NCAM2: variants seen among roughly 807,000 people sequenced by gnomAD.
NCAM2 encodes the protein neural cell adhesion molecule 2.
In NCAM2, 30 loss-of-function variants were observed where a neutral mutation model predicts 98.1. The ratio of observed to expected loss-of-function variants is 0.31; its 90% confidence interval spans 0.23 to 0.41. The LOEUF (loss-of-function observed/expected upper bound fraction) is 0.41. Ranked by LOEUF, NCAM2 falls within the 10% of genes least tolerant of loss-of-function variation. The pLI is 1.00. For missense variants in NCAM2, 867 were observed against 1,005.8 expected (o/e 0.86, Z 1.87); for synonymous variants, 368 against 342.4 (o/e 1.07, Z -0.83).
At chr21:21,161,065 G>A (rs551602971) in intron 1 of NCAM2, among the ~76,000 whole-genome samples, 1 of 152,074 alleles carries the variant, frequency 6.6e-6, no homozygotes, top group African/African-American at 2.4e-5. Context: ...TAGGTTTCCT[G>A]TTGCTATCTA....
intron 1 of NCAM2, among the ~76,000 whole-genome samples, chr21:21,060,703 GAC>G (rs1601240599): frequency 1.3e-5 from 2 of 152,074 alleles, no homozygotes; most frequent in Admixed American, 6.6e-5. Flanking sequence ...GAGTAGCATA[GAC>G]ACACACAGAC....
At chr21:21,026,621 G>A (rs138914219) in intron 1 of NCAM2, among the ~76,000 whole-genome samples, 2,405 of 132,224 alleles carry the variant, frequency 0.018, 34 homozygotes, top group Middle Eastern at 0.037. Flanking sequence ...GTGAAACTCC[G>A]TCTCAAAAAA....
chr21:21,380,244 T>A (rs1203878569), intron 9 of NCAM2, among the ~76,000 whole-genome samples: 1 of 152,216 alleles, frequency 6.6e-6, no homozygotes, highest in South Asian at 2.1e-4. Flanking sequence ...CCTTACTGAA[T>A]TTTTATTATA....
intron 11 of NCAM2, among the ~76,000 whole-genome samples, chr21:21,428,344 G>T (rs2077259519): frequency 1.3e-5 from 2 of 152,294 alleles, no homozygotes; most frequent in South Asian, 4.1e-4. Flanking sequence ...AAGTCTTTTA[G>T]AGTAGACCAG....
intron 11 of NCAM2, among the ~76,000 whole-genome samples, chr21:21,423,516 G>A (rs1042506820): frequency 1.3e-5 from 2 of 152,124 alleles, no homozygotes; most frequent in African/African-American, 4.8e-5. Context: ...AGTAAAATGA[G>A]ATAATGACCT....
At chr21:21,080,944 T>G (rs2065784934) in intron 1 of NCAM2, among the ~76,000 whole-genome samples, 1 of 152,012 alleles carries the variant, frequency 6.6e-6, no homozygotes, top group African/African-American at 2.4e-5. Flanking sequence ...AGGAATGAAA[T>G]GAAGTAAATT....
intron 12 of NCAM2, among the ~76,000 whole-genome samples, chr21:21,460,932 TA>T (rs11308060): frequency 0.49 from 72,062 of 148,406 alleles, 18,086 homozygotes; most frequent in East Asian, 0.96. Flanking sequence ...TTCACCTGGC[TA>T]AAAAAAAAAA....
At chr21:21,369,128 TC>T (rs34131011) in intron 8 of NCAM2, among the ~76,000 whole-genome samples, 151,830 of 151,830 alleles carry the variant, frequency 1, 75,915 homozygotes, top group Non-Finnish European at 1. Flanking sequence ...CACCTCCCAT[TC>T]CCCTTGCCTG....
At chr21:21,219,283 C>T (rs1311624629) in intron 1 of NCAM2, among the ~76,000 whole-genome samples, 1 of 152,108 alleles carries the variant, frequency 6.6e-6, no homozygotes, top group East Asian at 1.9e-4. Context: ...GACTTGAAAG[C>T]CACCAAGATT....
intron 1 of NCAM2, among the ~76,000 whole-genome samples, chr21:21,194,621 G>T (rs1601614226): frequency 6.6e-6 from 1 of 152,046 alleles, no homozygotes; most frequent in African/African-American, 2.4e-5. Context: ...AAAATTGGCA[G>T]CTATGGTATT....
intron 1 of NCAM2, among the ~76,000 whole-genome samples, chr21:21,246,302 C>T (rs1229310597): frequency 6.6e-6 from 1 of 151,946 alleles, no homozygotes; most frequent in Non-Finnish European, 1.5e-5. Flanking sequence ...AACCACTCAG[C>T]TAAGCCACTC....
intron 1 of NCAM2, among the ~76,000 whole-genome samples, chr21:21,201,111 T>A (rs965865909): frequency 1.3e-5 from 2 of 152,224 alleles, no homozygotes; most frequent in African/African-American, 4.8e-5. Context: ...TGCGGATTAC[T>A]AAGCACATCT....
chr21:21,198,868 C>T (rs1179019218), intron 1 of NCAM2, among the ~76,000 whole-genome samples: 1 of 151,980 alleles, frequency 6.6e-6, no homozygotes, highest in Non-Finnish European at 1.5e-5. Flanking sequence ...GAGTTTTTAC[C>T]AGTGTCTCAG....
At chr21:21,120,349 T>A (rs76708991) in intron 1 of NCAM2, among the ~76,000 whole-genome samples, 2,174 of 151,436 alleles carry the variant, frequency 0.014, 58 homozygotes, top group African/African-American at 0.051. Context: ...TATCATGACT[T>A]AAAAAACAAA....
intron 9 of NCAM2, among the ~76,000 whole-genome samples, chr21:21,395,993 AAAAC>A (rs2076497178): frequency 6.6e-6 from 1 of 152,200 alleles, no homozygotes; most frequent in Non-Finnish European, 1.5e-5. Flanking sequence ...AAATGCAACA[AAAAC>A]AAAGATAAAT....
rs61690284 is a variant in NCAM2 at position 21,290,777 on chromosome 21, T to C, written c.482-1327T>C. Among the ~76,000 whole-genome samples, 1,062 of 151,904 alleles carry C rather than the reference T, an allele frequency of 7.0e-3. 9 individuals are homozygous for C. Among genetic ancestry groups the C allele is most frequent in the African/African-American group, 0.025 (1,017 of 41,464 alleles). ...TCTATGCCCTGATGACTCTTCTATT[T>C]GTTATTTCTAGCCCCGACTTCTCCC... On this transcript the variant is annotated intron_variant, in intron 4 of 17. Transcript: ENST00000400546.
At chr21:21,327,708 T>C (rs903455242) in intron 6 of NCAM2, among the ~76,000 whole-genome samples, 1 of 152,138 alleles carries the variant, frequency 6.6e-6, no homozygotes, top group Non-Finnish European at 1.5e-5. Context: ...ACTCTTATAC[T>C]CTCATTTAAA....
At chr21:20,999,733 A>C (rs990795033) in intron 1 of NCAM2, among the ~76,000 whole-genome samples, 1 of 152,222 alleles carries the variant, frequency 6.6e-6, no homozygotes, top group Non-Finnish European at 1.5e-5. Context: ...AAGCATTTTT[A>C]GCCTCTTCTG....
chr21:21,510,432 A>G (rs1988292606), intron 16 of NCAM2, among the ~76,000 whole-genome samples: 2 of 152,086 alleles, frequency 1.3e-5, no homozygotes, highest in Non-Finnish European at 2.9e-5. Flanking sequence ...ACATAAATGG[A>G]TTCCTGCAGT....
Sources: allele counts gnomAD v4.1 joint callset (sites outside exome capture counted in the v4.1 genomes callset), GRCh38; gene constraint gnomAD v4.1.1; transcripts MANE v1.5; gene names NCBI Gene and HGNC (gene_info 2026-07-23, HGNC 2026-07-21).